Variants in MCF2L2 observed in about 807,000 individuals in gnomAD.
MCF2L2 encodes the protein MCF.2 cell line derived transforming sequence-like 2.
MCF2L2 carries 102 observed loss-of-function variants against 150.2 expected under a neutral mutation model. The observed-to-expected ratio is 0.68, with a 90% CI of 0.58 to 0.80. The LOEUF (loss-of-function observed/expected upper bound fraction) is 0.80. Ranked by LOEUF, MCF2L2 falls within the 30% of genes least tolerant of loss-of-function variation. The probability of loss-of-function intolerance (pLI) is 0.00; values close to 1 mark genes in which losing one functional copy is unlikely to be tolerated. For synonymous variants in MCF2L2, 465 were observed against 491.3 expected, an observed-to-expected ratio of 0.95 and a Z score of 0.71; for missense variants, 1,256 against 1,372.8, an observed-to-expected ratio of 0.91 and a Z score of 1.34.
intron 25 of MCF2L2, among the ~76,000 whole-genome samples, chr3:183,205,587 A>T (rs1297548578): frequency 6.6e-6 from 1 of 152,114 alleles, no homozygotes; most frequent in Admixed American, 6.6e-5. Flanking sequence ...CTCTGTTAAC[A>T]TTTTCTTGGG....
At position 183,424,674 on chromosome 3, in the gene MCF2L2, A is replaced by C. The variant is rs182173440; in HGVS notation, c.76+3228T>G. 9.7e-4 allele frequency among the ~76,000 whole-genome samples: 147 copies of C among 152,314 alleles called. 1 individual carries two copies. Among genetic ancestry groups the C allele is most frequent in the Middle Eastern group, 3.4e-3 (1 of 294 alleles). Reference sequence around the variant, plus strand: ...GATGGGCACAATGCGAGCAGAACAAAGCTTACTTTGGAATTCAGAGTCAGG... The same window carrying C: ...GATGGGCACAATGCGAGCAGAACAACGCTTACTTTGGAATTCAGAGTCAGG... On this transcript the variant is annotated intron_variant, in intron 1 of 29. Coordinates refer to ENST00000328913, the MANE Select transcript of MCF2L2 (RefSeq NM_015078.4).
At position 183,299,073 on chromosome 3, in the gene MCF2L2, T is replaced by G. The variant is rs575872523; in HGVS notation, c.1305+932A>C. On this transcript the variant is annotated intron_variant, in intron 11 of 29. Transcript: ENST00000328913. ...CCTGGGACCAGCTCACAGGGAAGAC[T>G]CCAGAAACCGCTGCTCCTGCTGACT... The G allele has an allele frequency of 3.9e-5, 6 of 152,404 alleles. No homozygotes were observed. The East Asian group carries it at 1.2e-3, about 29-fold the overall frequency. 9.4% of individuals were successfully genotyped at this position (152,404 alleles called of 1,614,324 possible). A position where few individuals can be genotyped will look rare whatever the true frequency, so the allele number is the denominator to read the frequency against.
chr3:183,242,899 G>A (rs1724093552), intron 15 of MCF2L2, among the ~76,000 whole-genome samples: 1 of 152,254 alleles, frequency 6.6e-6, no homozygotes, highest in Non-Finnish European at 1.5e-5. Context: ...AGTTGCCCAA[G>A]GCTGTGGTGG....
intron 10 of MCF2L2, among the ~76,000 whole-genome samples, chr3:183,303,522 CTCTT>C: frequency 6.6e-6 from 1 of 152,196 alleles, no homozygotes; most frequent in Non-Finnish European, 1.5e-5. Context: ...TCTTGCCCCT[CTCTT>C]AACTTGCACT....
At chr3:183,205,477 T>C (rs74544922) in intron 25 of MCF2L2, among the ~76,000 whole-genome samples, 7,834 of 152,284 alleles carry the variant, frequency 0.051, 302 homozygotes, top group Non-Finnish European at 0.075. Flanking sequence ...ACCCACTGAA[T>C]TGTATATTTT....
chr3:183,256,925 C>T (rs933600040), intron 15 of MCF2L2, among the ~76,000 whole-genome samples: 1 of 152,150 alleles, frequency 6.6e-6, no homozygotes, highest in Non-Finnish European at 1.5e-5. Flanking sequence ...GATACTTCTG[C>T]CTCAACAGTA....
intron 15 of MCF2L2, among the ~76,000 whole-genome samples, chr3:183,245,320 G>A (rs1480375056): frequency 6.6e-6 from 1 of 152,184 alleles, no homozygotes; most frequent in Non-Finnish European, 1.5e-5. Flanking sequence ...CTCTACAAGA[G>A]GTACAGGGTT....
At position 183,270,436 on chromosome 3, in the gene MCF2L2, T is replaced by C. The variant is rs746922841; in HGVS notation, c.1862+6436A>G. 1.7e-5 allele frequency: 27 copies of C among 1,614,044 alleles called. No homozygotes were observed. Among genetic ancestry groups the C allele is most frequent in the Non-Finnish European group, 1.9e-5 (23 of 1,180,026 alleles). On this transcript the variant is annotated intron_variant, in intron 15 of 29. Coordinates refer to ENST00000328913, the MANE Select transcript of MCF2L2 (RefSeq NM_015078.4). The surrounding 1 kb of genome is among the most constrained non-coding windows in gnomAD (Gnocchi z 4.5). ...GAGTACCTTCAAAGTTTAGAACAAA[T>C]TGGTGTTCAAGACTTTTGGATTGGT...
intron 15 of MCF2L2, chr3:183,276,529 A>G: frequency 4.4e-6 from 1 of 225,858 alleles, no homozygotes; most frequent in Non-Finnish European, 8.5e-6. Context: ...ATTTGTATAA[A>G]TTTGTGTCTT....
Position 183,274,189 on chromosome 3 carries a change from T to C in MCF2L2, c.1862+2683A>G, listed in dbSNP as rs113340934. Among the ~76,000 whole-genome samples the C allele has an allele frequency of 8.2e-3, 1,247 of 151,160 alleles. 21 individuals are homozygous for C. Among genetic ancestry groups the C allele is most frequent in the African/African-American group, 0.028 (1,154 of 41,034 alleles). On this transcript the variant is annotated intron_variant, in intron 15 of 29. Transcript: ENST00000328913. ...GAGATTGTGCCACTGCTCTCCAACCTGGACGACAGAGCGAGACTGTCTCAA... is the reference window on the plus strand; with the variant it reads ...GAGATTGTGCCACTGCTCTCCAACCCGGACGACAGAGCGAGACTGTCTCAA...
chr3:183,354,534 A>G (rs1489362830), intron 3 of MCF2L2, among the ~76,000 whole-genome samples: 1 of 128,094 alleles, frequency 7.8e-6, no homozygotes, highest in African/African-American at 3.1e-5. Context: ...GCTGACTTCT[A>G]CTCTTTAGAT....
intron 1 of MCF2L2, chr3:183,400,603 C>T (rs995875742): frequency 1.0e-4 from 38 of 376,828 alleles, no homozygotes; most frequent in Non-Finnish European, 1.2e-4. Flanking sequence ...GAAGTTCACT[C>T]GAGGTCATTT....
rs947460490 is a variant in MCF2L2 at position 183,356,421 on chromosome 3, G to A, written c.276-14791C>T. 5.9e-5 allele frequency among the ~76,000 whole-genome samples: 9 copies of A among 152,134 alleles called. No individual in the cohort carries two copies. In the South Asian group the frequency reaches 1.0e-3, roughly 18 times the overall value. Reference sequence around the variant, plus strand: ...CCAGCTACTCAGGAGGTTGAAGCAGGAGAATTGTTTGAACCCGGGAGGCAG... The same window carrying A: ...CCAGCTACTCAGGAGGTTGAAGCAGAAGAATTGTTTGAACCCGGGAGGCAG... On this transcript the variant is annotated intron_variant, in intron 3 of 29. Coordinates refer to ENST00000328913, the MANE Select transcript of MCF2L2 (RefSeq NM_015078.4).
At chr3:183,390,986 G>C (rs769721466) in intron 1 of MCF2L2, among the ~76,000 whole-genome samples, 9 of 152,180 alleles carry the variant, frequency 5.9e-5, no homozygotes, top group Non-Finnish European at 1.2e-4. Flanking sequence ...GTTAGATTAA[G>C]GCATGAACCA....
At chr3:183,372,791 A>G (rs1436006421) in intron 3 of MCF2L2, 2 of 152,248 alleles carry the variant, frequency 1.3e-5, no homozygotes, top group Non-Finnish European at 2.9e-5. Context: ...ACTTTCTCCA[A>G]TCCGTTTCTA....
chr3:183,354,755 G>C (rs1390065533), intron 3 of MCF2L2, among the ~76,000 whole-genome samples: 1 of 152,154 alleles, frequency 6.6e-6, no homozygotes, highest in Non-Finnish European at 1.5e-5. Context: ...ATGACCTTGG[G>C]CACATGTTCT....
intron 4 of MCF2L2, among the ~76,000 whole-genome samples, chr3:183,339,217 A>G (rs1029688329): frequency 2.0e-5 from 3 of 152,208 alleles, no homozygotes; most frequent in Non-Finnish European, 2.9e-5. Flanking sequence ...TATACATTAG[A>G]AAGTGAAAAC....
intron 2 of MCF2L2, among the ~76,000 whole-genome samples, chr3:183,383,533 C>T (rs995672023): frequency 3.9e-5 from 6 of 152,112 alleles, no homozygotes; most frequent in African/African-American, 1.2e-4. Flanking sequence ...GCCACCATGC[C>T]CGGCCAAGAG....
intron 1 of MCF2L2, among the ~76,000 whole-genome samples, chr3:183,413,381 A>T (rs927013376): frequency 1.3e-5 from 2 of 152,208 alleles, no homozygotes; most frequent in South Asian, 4.1e-4. Context: ...GAAAATCATA[A>T]GAGAAAATAT....
Sources: gnomAD v4.1 joint callset for allele counts (sites outside exome capture counted in the v4.1 genomes callset) on GRCh38, gnomAD v4.1.1 for gene constraint, Gnocchi (gnomAD v3.1) non-coding constraint, MANE v1.5 for transcripts, NCBI Gene and HGNC (gene_info 2026-07-23, HGNC 2026-07-21) for gene names.